The following TMEM132E variants were observed in gnomAD, a reference collection of about 807,000 sequenced individuals.
The protein encoded by TMEM132E is transmembrane protein 132E.
In TMEM132E, 49 loss-of-function variants were observed where a neutral mutation model predicts 78.5. That is an observed-to-expected ratio of 0.62 (90% CI 0.50 to 0.79). TMEM132E has a LOEUF of 0.79. Among genes scored for constraint, TMEM132E ranks in the 30% least tolerant of loss-of-function variants. TMEM132E has a pLI of 0.00. For synonymous variants in TMEM132E, 715 were observed against 670.6 expected (o/e 1.07, Z -1.02); for missense variants, 1,403 against 1,470.9 (o/e 0.95, Z 0.75).
chr17:34,629,166 A>G lies in TMEM132E; in HGVS notation c.1300A>G (p.Ile434Val). The change falls in exon 4 of 9, where the codon ATT becomes GTT. Residue 434 changes from isoleucine to valine, a missense_variant. Physicochemically the swap from Ile to Val is conservative, Grantham distance 29 (BLOSUM62 3). Around this residue, in one of 3 missense-constraint regions of TMEM132E, gnomAD observed 888 missense variants for 952.8 expected, o/e 0.93. Transcript: ENST00000631683. ...GCGGGCAGTCACTGAGCTGACGGTC[A>G]TTCAGCGGGATGTGCAAGCCATCCT... ...LERAVTELTV[I>V]QRDVQAILPL... 1 of 1,614,144 alleles carries G rather than the reference A, an allele frequency of 6.2e-7. No homozygotes were observed. The highest frequency in any genetic ancestry group is 2.2e-5 in the East Asian group (1 of 44,878).
chr17:34,627,140 G>T, intron 2 of TMEM132E, 83 bp downstream of exon 2: 2 of 1,376,990 alleles, frequency 1.5e-6, no homozygotes, highest in East Asian at 2.3e-5. Flanking sequence ...GTTGGGGGGT[G>T]GGGGGACCTC....
chr17:34,603,776 C>T (rs1391430411), intron 1 of TMEM132E, among the ~76,000 whole-genome samples: 2 of 152,212 alleles, frequency 1.3e-5, no homozygotes, highest in African/African-American at 4.8e-5. Flanking sequence ...GTGATATGCC[C>T]TTGTGGGCCT....
chr17:34,632,219 T>A (rs1907368918), intron 5 of TMEM132E, among the ~76,000 whole-genome samples: 1 of 152,230 alleles, frequency 6.6e-6, no homozygotes. Context: ...AGAGAGGCCG[T>A]GGAGGACATG....
chr17:34,613,499 C>T (rs377735291), intron 1 of TMEM132E, among the ~76,000 whole-genome samples: 3 of 151,302 alleles, frequency 2.0e-5, no homozygotes, highest in East Asian at 2.0e-4. Context: ...ACTACTAGTC[C>T]GTCCAGCAGT....
At chr17:34,598,047 C>T (rs1241857448) in intron 1 of TMEM132E, among the ~76,000 whole-genome samples, 1 of 152,070 alleles carries the variant, frequency 6.6e-6, no homozygotes, top group Non-Finnish European at 1.5e-5. Context: ...TAATGCATTA[C>T]AATATGTCAT....
At chr17:34,594,972 A>T (rs2142055154) in intron 1 of TMEM132E, among the ~76,000 whole-genome samples, 1 of 152,336 alleles carries the variant, frequency 6.6e-6, no homozygotes, top group South Asian at 2.1e-4. Flanking sequence ...GGCTGATATG[A>T]GACAAGGATG....
chr17:34,579,612 C>T lies in TMEM132E; in HGVS notation c.-1465C>T. ...TTTACGGCGGAGCAGCCGGCGCGAG[C>T]GCCGAGGAGGCGGCGACGGCGGCGG... is the stretch of plus-strand genomic sequence containing the variant. On this transcript the variant is annotated 5_prime_UTR_variant, in exon 1 of 9. Transcript: ENST00000631683. The T allele has an allele frequency of 6.3e-6, 1 of 157,968 alleles. No individual in the cohort carries two copies. Among genetic ancestry groups the T allele is most frequent in the Non-Finnish European group, 1.4e-5 (1 of 71,698 alleles). The allele number at this position is 157,968 out of a possible 1,614,324, so 9.8% of individuals were successfully genotyped here.
intron 1 of TMEM132E, among the ~76,000 whole-genome samples, chr17:34,613,213 G>GCGCGCA (rs1906664662): frequency 2.1e-5 from 2 of 94,318 alleles, no homozygotes; most frequent in Non-Finnish European, 5.0e-5. Flanking sequence ...ACACACACAC[G>GCGCGCA]CGCGCGCGCG....
intron 1 of TMEM132E, among the ~76,000 whole-genome samples, chr17:34,604,695 G>A (rs1906354500): frequency 6.6e-6 from 1 of 152,124 alleles, no homozygotes; most frequent in Non-Finnish European, 1.5e-5. Flanking sequence ...TGCCCCTCCT[G>A]GCACACAGTA....
At position 34,637,597 on chromosome 17, in the gene TMEM132E, G is replaced by A. The variant is rs772756078; in HGVS notation, c.2590G>A (p.Val864Met). ...AGGCCCGGGCACCGCCAGCCCCGTC[G>A]TGCCACCCACAGAAGACTTCCTGCC... ...APGPGTASPV[V>M]PPTEDFLPLP... The change falls in exon 9 of 9, where the codon GTG becomes ATG. Residue 864 changes from valine (V) to methionine (M), a missense_variant. Coordinates refer to ENST00000631683, the MANE Select transcript of TMEM132E (RefSeq NM_001304438.2). The A allele has an allele frequency of 1.2e-6, 2 of 1,601,616 alleles. No homozygotes were observed. Among genetic ancestry groups the A allele is most frequent in the Admixed American group, 1.7e-5 (1 of 59,738 alleles).
intron 1 of TMEM132E, among the ~76,000 whole-genome samples, chr17:34,610,087 C>T (rs1896744098): frequency 6.6e-6 from 1 of 152,130 alleles, no homozygotes; most frequent in African/African-American, 2.4e-5. Context: ...ATGACTCCTG[C>T]CCCTGAAAGC....
intron 1 of TMEM132E, among the ~76,000 whole-genome samples, chr17:34,581,355 G>T (rs965663416): frequency 1.3e-5 from 2 of 150,760 alleles, no homozygotes; most frequent in East Asian, 3.9e-4. Flanking sequence ...AGAAAAGGGT[G>T]GGGGGAGGGT....
chr17:34,595,506 G>T (rs950927697), intron 1 of TMEM132E, among the ~76,000 whole-genome samples: 15 of 152,342 alleles, frequency 9.8e-5, no homozygotes, highest in African/African-American at 3.4e-4. Flanking sequence ...GAGAGCCTGT[G>T]TGTACTCTGA....
At chr17:34,633,468 C>A (rs750384730) in intron 6 of TMEM132E, among the ~76,000 whole-genome samples, 10 of 152,242 alleles carry the variant, frequency 6.6e-5, no homozygotes, top group Non-Finnish European at 1.2e-4. Context: ...GGCTCCCTTG[C>A]GGGCTTGTAG....
chr17:34,604,568 G>A (rs182538433), intron 1 of TMEM132E, among the ~76,000 whole-genome samples: 31 of 152,000 alleles, frequency 2.0e-4, no homozygotes, highest in Admixed American at 1.8e-3. Flanking sequence ...CTCCACACAT[G>A]TGCGCACCCT....
At chr17:34,605,740 CTG>C (rs1906390708) in intron 1 of TMEM132E, among the ~76,000 whole-genome samples, 1 of 152,144 alleles carries the variant, frequency 6.6e-6, no homozygotes, top group African/African-American at 2.4e-5. Context: ...GACCAGATGT[CTG>C]GGGTTTGGTT....
rs1307384600 is a variant in TMEM132E, at chr17:34,581,057, C to T, written c.-20C>T. 1 of 1,541,248 alleles carries T rather than the reference C, an allele frequency of 6.5e-7. No homozygotes were observed. The highest frequency in any genetic ancestry group is 8.7e-7 in the Non-Finnish European group (1 of 1,149,896). ...CGTCGACTGTTGCTCTCTCGGACCC[C>T]TCCCGCCCCCGCCTCGGCCATGGCC... On this transcript the variant is annotated 5_prime_UTR_variant, in exon 1 of 9. Coordinates refer to ENST00000631683, the MANE Select transcript of TMEM132E (RefSeq NM_001304438.2).
At chr17:34,582,447 AG>A (rs1905525040) in intron 1 of TMEM132E, among the ~76,000 whole-genome samples, 2 of 149,196 alleles carry the variant, frequency 1.3e-5, no homozygotes, top group African/African-American at 2.5e-5. Flanking sequence ...TGGGGCTAGG[AG>A]GGGGGCGGGG....
chr17:34,593,293 G>A lies in TMEM132E; in HGVS notation c.67+12150G>A, dbSNP rs115330240. ...AATCAAAAATAAAAACGTGTAATCA[G>A]TATAAAAGATTATGAATGAGATACT... On this transcript the variant is annotated intron_variant, in intron 1 of 8. Transcript: ENST00000631683. Among the ~76,000 whole-genome samples, 655 of 152,104 alleles carry A rather than the reference G, an allele frequency of 4.3e-3. 5 individuals carry two copies. Among genetic ancestry groups the A allele is most frequent in the African/African-American group, 0.015 (621 of 41,496 alleles).
Sources: gnomAD v4.1 joint callset for allele counts (sites outside exome capture counted in the v4.1 genomes callset) on GRCh38, gnomAD v4.1.1 for gene constraint, gnomAD v4.1.1 regional missense constraint, MANE v1.5 for transcripts, NCBI Gene and HGNC (gene_info 2026-07-23, HGNC 2026-07-21) for gene names.